The following PKHD1 variants were observed in gnomAD, a reference collection of about 807,000 sequenced individuals.
The protein encoded by PKHD1 is fibrocystin.
In PKHD1, 291 loss-of-function variants were observed where a neutral mutation model predicts 412.0. The ratio of observed to expected loss-of-function variants is 0.71; its 90% confidence interval spans 0.64 to 0.78. The LOEUF is 0.78. PKHD1 is among the 30% of genes least tolerant of loss of function. The pLI, the probability that PKHD1 is intolerant of heterozygous loss-of-function variation, is 0.00. For missense variants in PKHD1, 4,825 were observed against 4,950.7 expected (o/e 0.97, Z 0.76); for synonymous variants, 1,777 against 1,821.5 (o/e 0.98, Z 0.62).
At chr6:51,678,981 C>T (rs890111294) in intron 60 of PKHD1, among the ~76,000 whole-genome samples, 6 of 152,070 alleles carry the variant, frequency 3.9e-5, no homozygotes, top group African/African-American at 1.4e-4. Flanking sequence ...ACCTCTCCAG[C>T]CCTCAGTTTG....
rs974761016 is a variant in PKHD1 at position 51,991,096 on chromosome 6, A to G, written c.5751+19213T>C. Reference sequence around the variant, plus strand: ...ACAATGGAATCTGGTGCCAAGCATCATGGACAACCCTATATACAAAACTCA... The same window carrying G: ...ACAATGGAATCTGGTGCCAAGCATCGTGGACAACCCTATATACAAAACTCA... On this transcript the variant is annotated intron_variant, in intron 35 of 66. Transcript: ENST00000371117. Among the ~76,000 whole-genome samples, 116 of 152,074 alleles carry G rather than the reference A, an allele frequency of 7.6e-4. 2 individuals are homozygous for G. Among genetic ancestry groups the G allele is most frequent in the Admixed American group, 9.8e-4 (15 of 15,268 alleles).
intron 50 of PKHD1, among the ~76,000 whole-genome samples, chr6:51,837,849 T>C (rs1232397325): frequency 6.6e-6 from 1 of 152,244 alleles, no homozygotes; most frequent in Non-Finnish European, 1.5e-5. Flanking sequence ...AAAATTTTTC[T>C]AAGGATGTAA....
rs143995417 is a variant in PKHD1, at chr6:52,012,282, G to A, written c.5601-1823C>T. Among the ~76,000 whole-genome samples the A allele has an allele frequency of 4.5e-3, 690 of 152,302 alleles. 6 individuals carry two copies. Among genetic ancestry groups the A allele is most frequent in the African/African-American group, 0.015 (641 of 41,562 alleles). On this transcript the variant is annotated intron_variant, in intron 34 of 66. Coordinates refer to ENST00000371117, the MANE Select transcript of PKHD1 (RefSeq NM_138694.4). The stretch of plus-strand genomic sequence containing the variant: ...TAGCATGGAACCTGGCACACAATAC[G>A]AATCCAATAAAGGCAGCTCGCGTTA...
In PKHD1 at chr6:51,616,638, T is replaced by C. The variant is rs145917681; in HGVS notation, c.*2443A>G. The C allele has an allele frequency of 1.9e-4, 74 of 398,050 alleles. 1 individual carries two copies. In the East Asian group the frequency reaches 2.2e-3, roughly 12 times the overall value. The allele number at this position is 398,050 out of a possible 1,614,324, so 24.7% of individuals were successfully genotyped here. A position where few individuals can be genotyped will look rare whatever the true frequency, so the allele number is the denominator to read the frequency against. ...CTAGAGCCTGGCAAGTTACTGAAGATGTTTATAGCTGCTATTTAGGCCCAA... is the reference window on the plus strand; with the variant it reads ...CTAGAGCCTGGCAAGTTACTGAAGACGTTTATAGCTGCTATTTAGGCCCAA... On this transcript the variant is annotated 3_prime_UTR_variant, in exon 67 of 67. Transcript: ENST00000371117.
In PKHD1 at chr6:51,909,305, G is replaced by A. The variant is rs2127651770; in HGVS notation, c.6660C>T (p.Leu2220=). The change falls in exon 40 of 67, where the codon CTC becomes CTT. Residue 2220 remains leucine, a synonymous_variant. Transcript: ENST00000371117. ...TACCTCTCATAGCTCCCACCAGAGT[G>A]AGTGAGCTCAGATGCTTATGGAAGG... is the stretch of plus-strand genomic sequence containing the variant. ...GQAFHKHLSS[L]TLVGAMRESF... 6.2e-7 allele frequency: 1 copy of A among 1,613,374 alleles called. No homozygotes were observed. The highest frequency in any genetic ancestry group is 1.7e-4 in the Middle Eastern group (1 of 6,052).
In PKHD1 at chr6:52,065,993, G is replaced by T; in HGVS notation, c.863C>A (p.Ala288Asp). 1 of 1,566,512 alleles carries T rather than the reference G, an allele frequency of 6.4e-7. No individual in the cohort carries two copies. Among genetic ancestry groups the T allele is most frequent in the Non-Finnish European group, 8.8e-7 (1 of 1,136,952 alleles). ...TITGDFFDNS[A>D]QVTIAGIPCD... ...ATAGTTACCTGCAATGGTAACCTGG[G>T]CAGAATTGTCAAAAAAGTCTCCTGT... The change falls in exon 12 of 67, where the codon GCC becomes GAC. Residue 288 changes from alanine to aspartate, a missense_variant. Transcript: ENST00000371117.
chr6:51,781,628 T>C (rs1259664775), intron 53 of PKHD1, among the ~76,000 whole-genome samples: 1 of 152,098 alleles, frequency 6.6e-6, no homozygotes, highest in Non-Finnish European at 1.5e-5. Flanking sequence ...AATGATTTAG[T>C]CCATGCTAAT....
intron 60 of PKHD1, among the ~76,000 whole-genome samples, chr6:51,695,366 G>A (rs992488141): frequency 6.6e-6 from 1 of 151,898 alleles, no homozygotes; most frequent in Admixed American, 6.6e-5. Flanking sequence ...CTTCTCCATA[G>A]CACTTAATAC....
At chr6:51,923,082 C>A (rs1268229035) in intron 37 of PKHD1, among the ~76,000 whole-genome samples, 2 of 152,120 alleles carry the variant, frequency 1.3e-5, no homozygotes, top group Non-Finnish European at 2.9e-5. Flanking sequence ...GAACCCAACC[C>A]CGTTTTGCCA....
At chr6:52,037,789 T>G (rs1804182780) in intron 27 of PKHD1, among the ~76,000 whole-genome samples, 1 of 152,226 alleles carries the variant, frequency 6.6e-6, no homozygotes. Context: ...TATCAAAATT[T>G]TTAATGCAAA....
At chr6:51,812,415 T>C (rs6929879) in intron 52 of PKHD1, among the ~76,000 whole-genome samples, 118,732 of 152,098 alleles carry the variant, frequency 0.78, 46,615 homozygotes, top group East Asian at 0.97. Flanking sequence ...ACCTGAAAAA[T>C]TAGCTCAGGC....
chr6:52,038,157 A>T (rs532955424), intron 27 of PKHD1, among the ~76,000 whole-genome samples: 130 of 152,232 alleles, frequency 8.5e-4, no homozygotes, highest in Non-Finnish European at 1.4e-3. Flanking sequence ...CGAGGCAGGC[A>T]GATCACAAGG....
At chr6:52,036,812 A>G (rs1362022843) in intron 27 of PKHD1, among the ~76,000 whole-genome samples, 2 of 152,248 alleles carry the variant, frequency 1.3e-5, no homozygotes, top group East Asian at 1.9e-4. Flanking sequence ...TAAAACTTAC[A>G]TAAGAAAACT....
intron 60 of PKHD1, among the ~76,000 whole-genome samples, chr6:51,702,836 T>C (rs1048863445): frequency 3.3e-5 from 5 of 150,362 alleles, no homozygotes; most frequent in African/African-American, 1.2e-4. Context: ...GAAAAAGGAA[T>C]AGATAATTCA....
At chr6:52,013,673 A>G (rs9349613) in intron 34 of PKHD1, among the ~76,000 whole-genome samples, 67,872 of 151,988 alleles carry the variant, frequency 0.45, 17,063 homozygotes, top group Admixed American at 0.58. Flanking sequence ...CACACTGCAC[A>G]CACACACACA....
intron 2 of PKHD1, 62 bp downstream of exon 2, chr6:52,084,820 T>C (rs1331629029): frequency 2.0e-6 from 2 of 1,020,596 alleles, no homozygotes; most frequent in Non-Finnish European, 3.1e-6. Flanking sequence ...GTTTCAATAA[T>C]AGTTCTCAAG....
intron 60 of PKHD1, chr6:51,722,149 C>T (rs762470871): frequency 1.3e-4 from 191 of 1,503,652 alleles, no homozygotes; most frequent in Middle Eastern, 6.5e-4. Context: ...TTGTAATATC[C>T]GAGCTCTTTA....
rs1436369594 is a variant in PKHD1, at chr6:51,807,491, G to A, written c.8303-16118C>T. Among the ~76,000 whole-genome samples the A allele has an allele frequency of 4.1e-3, 568 of 138,330 alleles. 6 individuals are homozygous for A. The highest frequency in any genetic ancestry group is 0.018 in the South Asian group (77 of 4,290). 90.7% of individuals were successfully genotyped at this position (138,330 alleles called of 152,430 possible). A position where few individuals can be genotyped will look rare whatever the true frequency, so the allele number is the denominator to read the frequency against. On this transcript the variant is annotated intron_variant, in intron 52 of 66. Coordinates refer to ENST00000371117, the MANE Select transcript of PKHD1 (RefSeq NM_138694.4). ...TATATATATATATATGTATATGTGTGTGTGTGTGTGTGTGTGTGTGTGTGT... is the reference window on the plus strand; with the variant it reads ...TATATATATATATATGTATATGTGTATGTGTGTGTGTGTGTGTGTGTGTGT...
At chr6:51,994,576 G>GT (rs1201365800) in intron 35 of PKHD1, among the ~76,000 whole-genome samples, 2 of 152,038 alleles carry the variant, frequency 1.3e-5, no homozygotes, top group Non-Finnish European at 2.9e-5. Context: ...TGTTGTTGTT[G>GT]TTGTTTGTTT....
Sources: allele counts gnomAD v4.1 joint callset (sites outside exome capture counted in the v4.1 genomes callset), GRCh38; gene constraint gnomAD v4.1.1; transcripts MANE v1.5; gene names NCBI Gene and HGNC (gene_info 2026-07-23, HGNC 2026-07-21).